The following NTM variants were observed in gnomAD, a reference collection of about 807,000 sequenced individuals.
NTM encodes IgLON family member 2.
A neutral mutation model predicts 42.1 loss-of-function variants in NTM; 13 were observed. That is an observed-to-expected ratio of 0.31 (90% CI 0.20 to 0.49). The LOEUF (loss-of-function observed/expected upper bound fraction) is 0.49. NTM is among the 20% of genes least tolerant of loss of function. NTM has a pLI of 0.99. For missense variants in NTM, 373 were observed against 452.8 expected, an observed-to-expected ratio of 0.82 and a Z score of 1.60; for synonymous variants, 187 against 179.2, an observed-to-expected ratio of 1.04 and a Z score of -0.35.
chr11:131,940,614 G>A (rs542605884), intron 2 of NTM, among the ~76,000 whole-genome samples: 16 of 152,322 alleles, frequency 1.1e-4, no homozygotes, highest in Non-Finnish European at 2.2e-4. Flanking sequence ...TTGTCCCAAA[G>A]CGTTCAGTAA....
chr11:131,954,775 G>T lies in NTM; in HGVS notation c.167+43127G>T, dbSNP rs562238543. 3.0e-4 allele frequency among the ~76,000 whole-genome samples: 46 copies of T among 152,130 alleles called. No individual in the cohort carries two copies. In the South Asian group the frequency reaches 5.6e-3, roughly 19 times the overall value. ...CACAGTAGTGTATATGCTTCTGTCGGTATTTTCTACAGTTATGTAGTTATA... is the reference window on the plus strand; with the variant it reads ...CACAGTAGTGTATATGCTTCTGTCGTTATTTTCTACAGTTATGTAGTTATA... On this transcript the variant is annotated intron_variant, in intron 2 of 8. Transcript: ENST00000683400.
intron 2 of NTM, among the ~76,000 whole-genome samples, chr11:131,999,052 C>A (rs2068679511): frequency 6.6e-6 from 1 of 152,138 alleles, no homozygotes; most frequent in Non-Finnish European, 1.5e-5. Flanking sequence ...GCCATGCTGA[C>A]AACCTGAGGA....
At chr11:131,871,838 G>A (rs926210672) in intron 1 of NTM, among the ~76,000 whole-genome samples, 1 of 152,024 alleles carries the variant, frequency 6.6e-6, no homozygotes, top group Admixed American at 6.5e-5. Flanking sequence ...TCTTTCCTTT[G>A]TCATCAGGTA....
intron 2 of NTM, among the ~76,000 whole-genome samples, chr11:132,011,698 A>C (rs2135424839): frequency 6.6e-6 from 1 of 152,308 alleles, no homozygotes; most frequent in East Asian, 1.9e-4. Flanking sequence ...CCTAGGTCAC[A>C]CAGCTAAGTG....
Position 132,300,138 on chromosome 11 carries a change from TTTATTA to T in NTM, c.527-7544_527-7539del, listed in dbSNP as rs559041993. On this transcript the variant is annotated intron_variant, in intron 4 of 8. Transcript: ENST00000683400. ...GATATGTGGTGAATCCTTTGTAAGA[TTTATTA>T]TTATTAAGTTCCTACTGGCAAAGCA... Among the ~76,000 whole-genome samples, 16 of 152,238 alleles carry T rather than the reference TTTATTA, an allele frequency of 1.1e-4. No homozygotes were observed. In the East Asian group the frequency reaches 2.1e-3, roughly 20 times the overall value.
At chr11:132,309,728 T>G (rs2095219911) in intron 5 of NTM, among the ~76,000 whole-genome samples, 1 of 152,136 alleles carries the variant, frequency 6.6e-6, no homozygotes, top group African/African-American at 2.4e-5. Flanking sequence ...GGGCAGAGAC[T>G]GAGAAACAAA....
At chr11:132,209,188 C>A (rs2082441212) in intron 3 of NTM, among the ~76,000 whole-genome samples, 1 of 152,236 alleles carries the variant, frequency 6.6e-6, no homozygotes, top group Admixed American at 6.5e-5. Context: ...AGGCAGTCAG[C>A]AAATCAAATG....
intron 1 of NTM, among the ~76,000 whole-genome samples, chr11:131,707,270 T>A (rs1255720397): frequency 6.6e-6 from 1 of 152,114 alleles, no homozygotes; most frequent in Non-Finnish European, 1.5e-5. Context: ...TTGCCTGGCT[T>A]ATTTAACTTA....
intron 2 of NTM, among the ~76,000 whole-genome samples, chr11:131,956,529 G>A (rs2061572645): frequency 6.6e-6 from 1 of 151,784 alleles, no homozygotes; most frequent in Non-Finnish European, 1.5e-5. Flanking sequence ...TCTTAAGAAT[G>A]CAGGAAGCTT....
At chr11:131,715,399 T>A (rs545175997) in intron 1 of NTM, among the ~76,000 whole-genome samples, 1 of 152,332 alleles carries the variant, frequency 6.6e-6, no homozygotes, top group Admixed American at 6.5e-5. Flanking sequence ...AGGAAGAATT[T>A]TGTTTAGCAT....
intron 2 of NTM, chr11:131,981,482 A>G (rs1484648295): frequency 2.0e-5 from 3 of 152,148 alleles, no homozygotes; most frequent in Admixed American, 6.5e-5. Context: ...GGGATGATTC[A>G]TTGGCATGAA....
At chr11:131,440,626 G>A (rs1949534348) in intron 1 of NTM, among the ~76,000 whole-genome samples, 1 of 151,774 alleles carries the variant, frequency 6.6e-6, no homozygotes, top group African/African-American at 2.4e-5. Context: ...GTTCCTGGGT[G>A]ATGATGATTC....
At chr11:131,731,072 A>AT (rs1328129626) in intron 1 of NTM, among the ~76,000 whole-genome samples, 2 of 152,054 alleles carry the variant, frequency 1.3e-5, no homozygotes, top group Non-Finnish European at 2.9e-5. Context: ...TTCTCTTATG[A>AT]TTTTTTATGC....
chr11:131,388,704 A>C (rs2135571177), intron 1 of NTM, among the ~76,000 whole-genome samples: 1 of 152,152 alleles, frequency 6.6e-6, no homozygotes, highest in African/African-American at 2.4e-5. Context: ...AGCAAGGAAG[A>C]GAATATAGGG....
intron 3 of NTM, among the ~76,000 whole-genome samples, chr11:132,184,376 T>TG (rs919024961): frequency 4.6e-5 from 7 of 152,154 alleles, no homozygotes; most frequent in Non-Finnish European, 1.0e-4. Context: ...GGCACAGCTG[T>TG]GGGGGGCAGT....
intron 1 of NTM, among the ~76,000 whole-genome samples, chr11:131,867,381 G>A (rs2137035793): frequency 6.6e-6 from 1 of 152,192 alleles, no homozygotes; most frequent in African/African-American, 2.4e-5. Context: ...CTGGGGGTGT[G>A]TGTGTGACCG....
chr11:132,296,189 T>A (rs2094602695), intron 4 of NTM, among the ~76,000 whole-genome samples: 3 of 152,120 alleles, frequency 2.0e-5, no homozygotes, highest in Admixed American at 2.0e-4. Flanking sequence ...AGAGTAGGCA[T>A]TTCACAGGCA....
At chr11:132,286,634 A>G (rs2139931671) in intron 4 of NTM, among the ~76,000 whole-genome samples, 1 of 152,292 alleles carries the variant, frequency 6.6e-6, no homozygotes, top group Non-Finnish European at 1.5e-5. Flanking sequence ...ATGGTTTTCA[A>G]CTGGGCACCA....
At chr11:131,376,162 C>T (rs967084896) in intron 1 of NTM, among the ~76,000 whole-genome samples, 10 of 152,266 alleles carry the variant, frequency 6.6e-5, no homozygotes, top group East Asian at 3.9e-4. Context: ...GGGATGGAAG[C>T]GGGGAGGGAG....
Sources: allele counts gnomAD v4.1 joint callset (sites outside exome capture counted in the v4.1 genomes callset), GRCh38; gene constraint gnomAD v4.1.1; transcripts MANE v1.5; gene names NCBI Gene and HGNC (gene_info 2026-07-23, HGNC 2026-07-21).